Variants in SPATA33 observed in about 807,000 individuals in gnomAD.
The protein encoded by SPATA33 is spermatogenesis-associated protein 33.
A neutral mutation model predicts 8.9 loss-of-function variants in SPATA33; 10 were observed. The ratio of observed to expected loss-of-function variants is 1.12; its 90% CI spans 0.69 to 1.90. SPATA33 has a LOEUF of 1.90. SPATA33 is among the 40% of genes most tolerant of loss of function. SPATA33 has a pLI of 0.00. For synonymous variants in SPATA33, 96 were observed against 72.8 expected, an observed-to-expected ratio of 1.32 and a Z score of -1.63; for missense variants, 241 against 178.3, an observed-to-expected ratio of 1.35 and a Z score of -2.00.
At chr16:89,665,312 T>C (rs1365085443) in intron 2 of SPATA33, among the ~76,000 whole-genome samples, 1 of 141,624 alleles carries the variant, frequency 7.1e-6, no homozygotes, top group Non-Finnish European at 1.5e-5. Context: ...AATATTTCTT[T>C]TTTTTTTTGA....
chr16:89,660,895 C>G, intron 2 of SPATA33: 1 of 1,064,624 alleles, frequency 9.4e-7, no homozygotes, highest in South Asian at 4.6e-5. Flanking sequence ...TGATTCCAGG[C>G]TCTGGCTGGA....
At chr16:89,664,808 C>G (rs2060004388) in intron 2 of SPATA33, among the ~76,000 whole-genome samples, 1 of 152,212 alleles carries the variant, frequency 6.6e-6, no homozygotes, top group Non-Finnish European at 1.5e-5. Flanking sequence ...CCTCCAGCTC[C>G]TCATGAGAAT....
At chr16:89,657,787 C>T, upstream of SPATA33, 1 of 1,456,362 alleles carries the variant, frequency 6.9e-7, no homozygotes, top group East Asian at 2.8e-5. Flanking sequence ...CGCGGCTGCG[C>T]GGCGCGCGGT....
rs79172145 is a variant in SPATA33 at position 89,662,473 on chromosome 16, A to G, written c.211+4052A>G. 5.1e-3 allele frequency among the ~76,000 whole-genome samples: 761 copies of G among 148,026 alleles called. 6 individuals carry two copies. Among genetic ancestry groups the G allele is most frequent in the African/African-American group, 0.018 (729 of 40,174 alleles). On this transcript the variant is annotated intron_variant, in intron 2 of 2. Coordinates refer to ENST00000579310, the MANE Select transcript of SPATA33 (RefSeq NM_001271907.2). ...TTCTTGTTGCCCAGGCTGGAGTGCA[A>G]TGGCATGATCTCGGGTCTCAACTCA...
chr16:89,664,051 T>C (rs115807933), intron 2 of SPATA33, among the ~76,000 whole-genome samples: 3,215 of 152,182 alleles, frequency 0.021, 49 homozygotes, highest in African/African-American at 0.047. Context: ...CCCATGAGGT[T>C]GGGGCTGCAG....
At chr16:89,664,672 G>A (rs994391785) in intron 2 of SPATA33, among the ~76,000 whole-genome samples, 4 of 151,724 alleles carry the variant, frequency 2.6e-5, no homozygotes, top group South Asian at 2.1e-4. Flanking sequence ...TTTAGGGCCC[G>A]ACCTGATCAG....
chr16:89,659,123 A>T (rs2059929049), intron 2 of SPATA33: 3 of 148,274 alleles, frequency 2.0e-5, no homozygotes, highest in Admixed American at 2.0e-4. Flanking sequence ...ACATAGTGAG[A>T]CCCTGTCTCT....
intron 2 of SPATA33, chr16:89,659,142 T>C (rs1376033401): frequency 6.6e-6 from 1 of 151,454 alleles, no homozygotes; most frequent in African/African-American, 2.4e-5. Context: ...CTACAAAAAA[T>C]AAATATTTAA....
chr16:89,661,272 G>A, intron 2 of SPATA33: 1 of 932,822 alleles, frequency 1.1e-6, no homozygotes, highest in Non-Finnish European at 1.3e-6. Context: ...GGAGGAACTG[G>A]GTGGGAGGTG....
intron 2 of SPATA33, among the ~76,000 whole-genome samples, chr16:89,668,365 A>G (rs2060053713): frequency 6.6e-6 from 1 of 152,250 alleles, no homozygotes; most frequent in Non-Finnish European, 1.5e-5. Flanking sequence ...CCAGCAGTCC[A>G]TCCTACCTCG....
At chr16:89,666,071 G>T (rs900677637) in intron 2 of SPATA33, among the ~76,000 whole-genome samples, 5 of 151,918 alleles carry the variant, frequency 3.3e-5, no homozygotes, top group Non-Finnish European at 7.4e-5. Flanking sequence ...ACAAGAGTGA[G>T]AATCCATCTC....
intron 2 of SPATA33, among the ~76,000 whole-genome samples, chr16:89,665,886 C>G (rs1342406049): frequency 2.0e-5 from 3 of 151,982 alleles, no homozygotes; most frequent in African/African-American, 4.8e-5. Flanking sequence ...TCAAGACCAG[C>G]CTGGCCAACA....
chr16:89,660,193 A>C lies in SPATA33; in HGVS notation c.211+1772A>C, dbSNP rs1363974356. On this transcript the variant is annotated intron_variant, in intron 2 of 2. Coordinates refer to ENST00000579310, the MANE Select transcript of SPATA33 (RefSeq NM_001271907.2). ...TGTCCACAGCCCCCGATGAGTGTAC[A>C]GCCCCCCACACGCAGGCAGGACTGC... 5.5e-5 allele frequency: 13 copies of C among 237,028 alleles called. No homozygotes were observed. The East Asian group carries it at 8.9e-4, about 16-fold the overall frequency. The allele number at this position is 237,028 out of a possible 1,614,324, so 14.7% of individuals were successfully genotyped here. A position where few individuals can be genotyped will look rare whatever the true frequency, so the allele number is the denominator to read the frequency against.
At position 89,658,354 on chromosome 16, in the gene SPATA33, G is replaced by GC. The variant is rs1568009132; in HGVS notation, c.146dup (p.Val50CysfsTer25). ...GGCAGGCAGACAGGGAGTCGGAGAAGCCTGTGGACAGCCTCCACCCGGGGG... is the reference window on the plus strand; with the variant it reads ...GGCAGGCAGACAGGGAGTCGGAGAAGCCCTGTGGACAGCCTCCACCCGGGGG... On this transcript the variant is annotated frameshift_variant, in exon 2 of 3. Coordinates refer to ENST00000579310, the MANE Select transcript of SPATA33 (RefSeq NM_001271907.2). LOFTEE classifies it high-confidence loss of function. 8.1e-6 allele frequency: 13 copies of GC among 1,613,798 alleles called. No individual in the cohort carries two copies. The highest frequency in any genetic ancestry group is 1.0e-5 in the Non-Finnish European group (12 of 1,180,032).
At chr16:89,668,595 G>A (rs2060057537) in intron 2 of SPATA33, among the ~76,000 whole-genome samples, 3 of 151,880 alleles carry the variant, frequency 2.0e-5, no homozygotes, top group African/African-American at 7.3e-5. Context: ...CTGTGCCCGA[G>A]CTCGTAGCAG....
intron 2 of SPATA33, chr16:89,660,356 G>C (rs942694852): frequency 4.6e-5 from 30 of 654,106 alleles, no homozygotes; most frequent in Non-Finnish European, 5.6e-5. Context: ...TGAAGCATGG[G>C]AGTGGGCAGG....
chr16:89,668,273 C>T (rs984393732), intron 2 of SPATA33, among the ~76,000 whole-genome samples: 2 of 152,342 alleles, frequency 1.3e-5, no homozygotes, highest in Admixed American at 1.3e-4. Context: ...GATCACACCA[C>T]TGCACTCCAG....
chr16:89,669,737 A>C lies in SPATA33; in HGVS notation c.*240A>C, dbSNP rs2060075490. On this transcript the variant is annotated 3_prime_UTR_variant, in exon 3 of 3. Transcript: ENST00000579310. ...TCTCCAGTGCTCTCAGGGAGGGTGC[A>C]CCAGGCCTGCCCCCGCCGTGAGAAA... 3 of 497,502 alleles carry C rather than the reference A, an allele frequency of 6.0e-6. No homozygotes were observed. The highest frequency in any genetic ancestry group is 1.1e-5 in the Non-Finnish European group (3 of 280,250). The allele number at this position is 497,502 out of a possible 1,614,324, so 30.8% of individuals were successfully genotyped here. A position where few individuals can be genotyped will look rare whatever the true frequency, so the allele number is the denominator to read the frequency against.
intron 2 of SPATA33, chr16:89,659,760 G>A (rs908704796): frequency 6.6e-6 from 1 of 152,386 alleles, no homozygotes; most frequent in Non-Finnish European, 1.5e-5. Context: ...TGACTGGCCT[G>A]CTAGGCAGAG....
Sources: allele counts gnomAD v4.1 joint callset (sites outside exome capture counted in the v4.1 genomes callset), GRCh38; gene constraint gnomAD v4.1.1; transcripts MANE v1.5; gene names NCBI Gene and HGNC (gene_info 2026-07-23, HGNC 2026-07-21).